Variants in PHF2 observed in about 807,000 individuals in gnomAD.
PHF2 encodes lysine-specific demethylase PHF2.
In PHF2, 27 loss-of-function variants were observed where a neutral mutation model predicts 120.5. The observed-to-expected ratio is 0.22, with a 90% CI of 0.17 to 0.31. PHF2 has a LOEUF of 0.31. Among genes scored for constraint, PHF2 ranks in the 10% least tolerant of loss-of-function variants. PHF2 has a pLI of 1.00. For missense variants in PHF2, 1,024 were observed against 1,434.8 expected (o/e 0.71, Z 4.63); for synonymous variants, 568 against 592.5 (o/e 0.96, Z 0.60).
chr9:93,580,799 G>A (rs1202465256), intron 1 of PHF2, among the ~76,000 whole-genome samples: 5 of 152,200 alleles, frequency 3.3e-5, no homozygotes, highest in Non-Finnish European at 5.9e-5. Context: ...CTGGCTGTGA[G>A]GGCCCAGGGG....
chr9:93,595,373 A>G (rs896105189), intron 1 of PHF2, among the ~76,000 whole-genome samples: 5 of 152,226 alleles, frequency 3.3e-5, no homozygotes, highest in African/African-American at 1.2e-4. Context: ...CTTCACCTGG[A>G]GGTAGAGAGT....
intron 6 of PHF2, among the ~76,000 whole-genome samples, chr9:93,654,081 G>T (rs1315819577): frequency 6.6e-6 from 1 of 152,200 alleles, no homozygotes. Flanking sequence ...CCCAGCCTGA[G>T]ATCCAAGTGG....
chr9:93,581,639 C>T (rs1862932236), intron 1 of PHF2, among the ~76,000 whole-genome samples: 1 of 152,098 alleles, frequency 6.6e-6, no homozygotes, highest in Non-Finnish European at 1.5e-5. Flanking sequence ...ATTGTCAGAA[C>T]GTTTGCTATT....
At chr9:93,627,492 A>ATTTTTTTTTTTATTTTTTTTT (rs1825932401) in intron 1 of PHF2, among the ~76,000 whole-genome samples, 1 of 108,176 alleles carries the variant, frequency 9.2e-6, no homozygotes, top group East Asian at 2.6e-4. Flanking sequence ...TTATTTCAGG[A>ATTTTTTTTTTTATTTTTTTTT]TTTTTTTTTT....
chr9:93,658,791 G>A (rs1224646669), intron 10 of PHF2, among the ~76,000 whole-genome samples: 1 of 152,138 alleles, frequency 6.6e-6, no homozygotes, highest in Non-Finnish European at 1.5e-5. Context: ...CTTGCTCTGT[G>A]ACCCGGGCAG....
At chr9:93,618,345 G>A (rs1243333799) in intron 1 of PHF2, among the ~76,000 whole-genome samples, 4 of 151,608 alleles carry the variant, frequency 2.6e-5, no homozygotes, top group Non-Finnish European at 4.4e-5. Context: ...TGACACACTC[G>A]TGGGCAGACG....
At chr9:93,617,334 G>A (rs1054818522) in intron 1 of PHF2, among the ~76,000 whole-genome samples, 7 of 152,216 alleles carry the variant, frequency 4.6e-5, no homozygotes, top group African/African-American at 1.7e-4. Flanking sequence ...AAGCCACTGT[G>A]TCCTGTCTGC....
intron 1 of PHF2, 50 bp downstream of exon 1, chr9:93,576,921 TG>T (rs1862829200): frequency 1.2e-6 from 1 of 831,262 alleles, no homozygotes; most frequent in African/African-American, 1.9e-5. Context: ...CCGGCCACCT[TG>T]CCCGACCGAG....
chr9:93,644,313 G>A (rs149371047), intron 3 of PHF2, among the ~76,000 whole-genome samples: 218 of 151,840 alleles, frequency 1.4e-3, no homozygotes, highest in African/African-American at 5.0e-3. Context: ...TTAAAACCTG[G>A]GAGGCAGAGG....
intron 1 of PHF2, among the ~76,000 whole-genome samples, chr9:93,578,495 C>A (rs910091743): frequency 6.6e-6 from 1 of 152,242 alleles, no homozygotes; most frequent in Non-Finnish European, 1.5e-5. Context: ...CCTTCTCCCC[C>A]ATCTCCACCG....
In PHF2 at chr9:93,665,884, T is replaced by TG; in HGVS notation, c.2116+25dup. 7.5e-7 allele frequency: 1 copy of TG among 1,331,878 alleles called. No homozygotes were observed. Among genetic ancestry groups the TG allele is most frequent in the Non-Finnish European group, 1.1e-6 (1 of 946,680 alleles). 82.5% of individuals were successfully genotyped at this position (1,331,878 alleles called of 1,614,324 possible). On this transcript the variant is annotated intron_variant, in intron 15 of 21. Coordinates refer to ENST00000359246, the MANE Select transcript of PHF2 (RefSeq NM_005392.4). ...TGTCCTGTGAGTTGGGAGGGGGTGT[T>TG]GGGGGAGGGGTGTGGGAGAGGCCCA... is the stretch of plus-strand genomic sequence containing the variant.
intron 1 of PHF2, among the ~76,000 whole-genome samples, chr9:93,591,342 C>T (rs1406207732): frequency 4.6e-5 from 7 of 152,220 alleles, no homozygotes; most frequent in African/African-American, 1.4e-4. Context: ...CTTCTGAACT[C>T]GTCTCTGTTA....
At chr9:93,610,072 T>G (rs75742615) in intron 1 of PHF2, among the ~76,000 whole-genome samples, 1 of 18,398 alleles carries the variant, frequency 5.4e-5, no homozygotes, top group East Asian at 2.9e-3. Context: ...TAGGTGTAGA[T>G]TTTTTTTTGC....
At chr9:93,614,264 C>T (rs1825685437) in intron 1 of PHF2, among the ~76,000 whole-genome samples, 1 of 152,214 alleles carries the variant, frequency 6.6e-6, no homozygotes, top group South Asian at 2.1e-4. Context: ...CACCCAGGAG[C>T]AGGGCATTTT....
chr9:93,644,474 C>T (rs900321588), intron 3 of PHF2, among the ~76,000 whole-genome samples: 1 of 151,990 alleles, frequency 6.6e-6, no homozygotes, highest in Non-Finnish European at 1.5e-5. Flanking sequence ...TGGTGTGCAG[C>T]GGGAGCCCTC....
chr9:93,656,099 T>C lies in PHF2; in HGVS notation c.1040+78T>C. 1.7e-6 allele frequency: 2 copies of C among 1,195,712 alleles called. No individual in the cohort carries two copies. The highest frequency in any genetic ancestry group is 1.3e-5 in the South Asian group (1 of 74,142). 74.1% of individuals were successfully genotyped at this position (1,195,712 alleles called of 1,614,324 possible). ...TCTAGCTGGGTCGGTGCTAGATGCCTTGGGCTGAGTCCTGGCACAGCCCGC... is the reference window on the plus strand; with the variant it reads ...TCTAGCTGGGTCGGTGCTAGATGCCCTGGGCTGAGTCCTGGCACAGCCCGC... On this transcript the variant is annotated intron_variant, in intron 8 of 21. Transcript: ENST00000359246. The surrounding 1 kb of genome is among the most constrained non-coding windows in gnomAD (Gnocchi z 4.1).
At chr9:93,622,344 C>A (rs1825839606) in intron 1 of PHF2, among the ~76,000 whole-genome samples, 1 of 152,214 alleles carries the variant, frequency 6.6e-6, no homozygotes, top group Non-Finnish European at 1.5e-5. Flanking sequence ...CCCGCTGTCA[C>A]CCATGTCCTA....
chr9:93,667,176 G>A lies in PHF2; in HGVS notation c.2284G>A (p.Ala762Thr), dbSNP rs773572047. 3 of 1,613,078 alleles carry A rather than the reference G, an allele frequency of 1.9e-6. No individual in the cohort carries two copies. Among genetic ancestry groups the A allele is most frequent in the Non-Finnish European group, 2.5e-6 (3 of 1,179,958 alleles). The change falls in exon 17 of 22, where the codon GCT becomes ACT. Residue 762 changes from alanine to threonine, a missense_variant. Coordinates refer to ENST00000359246, the MANE Select transcript of PHF2 (RefSeq NM_005392.4). ...CAAGAAGGAGAGTGGGAGCTCGGCA[G>A]CTGGCATCTTGGACCTGCTGCAGGC... ...RVKKESGSSA[A>T]GILDLLQASE...
intron 1 of PHF2, among the ~76,000 whole-genome samples, chr9:93,609,482 G>A (rs2265575): frequency 0.31 from 47,355 of 151,220 alleles, 8,160 homozygotes; most frequent in South Asian, 0.61. Context: ...CTGAACTGTT[G>A]TTTGTCTGAT....
Sources: gnomAD v4.1 joint callset for allele counts (sites outside exome capture counted in the v4.1 genomes callset) on GRCh38, gnomAD v4.1.1 for gene constraint, Gnocchi (gnomAD v3.1) non-coding constraint, MANE v1.5 for transcripts, NCBI Gene and HGNC (gene_info 2026-07-23, HGNC 2026-07-21) for gene names.